The following GATAD2B variants were observed in gnomAD, a reference collection of about 807,000 sequenced individuals.
GATAD2B encodes the protein transcriptional repressor p66-beta.
Under a neutral mutation model 64.3 loss-of-function variants are expected in GATAD2B, and 8 were observed. The ratio of observed to expected loss-of-function variants is 0.12; its 90% confidence interval spans 0.07 to 0.22. GATAD2B has a LOEUF of 0.22. Among genes scored for constraint, GATAD2B ranks in the 10% least tolerant of loss-of-function variants. The probability of loss-of-function intolerance (pLI) is 1.00; values close to 1 mark genes in which losing one functional copy is unlikely to be tolerated. For missense variants in GATAD2B, 453 were observed against 752.0 expected (o/e 0.60, Z 4.65); for synonymous variants, 281 against 271.3 (o/e 1.04, Z -0.35).
In GATAD2B at chr1:153,870,473, T is replaced by C. The variant is rs1053655050; in HGVS notation, c.-1-42125A>G. Among the ~76,000 whole-genome samples the C allele has an allele frequency of 9.9e-5, 15 of 152,204 alleles. 1 individual carries two copies. The highest frequency in any genetic ancestry group is 7.9e-4 in the Admixed American group (12 of 15,278). On this transcript the variant is annotated intron_variant, in intron 1 of 10. Coordinates refer to ENST00000368655, the MANE Select transcript of GATAD2B (RefSeq NM_020699.4). ...CTATAGTCTCAGCTACTCAGGAGGC[T>C]GAGGCAGGAGAATGGCGTGAACCCA...
chr1:153,815,293 CA>C (rs71093285), intron 7 of GATAD2B, among the ~76,000 whole-genome samples: 72 of 111,840 alleles, frequency 6.4e-4, no homozygotes, highest in African/African-American at 1.3e-3. Context: ...AAAAAAAAAA[CA>C]AAAAAAAAAA....
intron 1 of GATAD2B, among the ~76,000 whole-genome samples, chr1:153,850,801 A>G (rs1002264618): frequency 6.6e-6 from 1 of 151,828 alleles, no homozygotes; most frequent in African/African-American, 2.4e-5. Flanking sequence ...TGCGCCTATA[A>G]TCTCAGCTAC....
chr1:153,826,670 T>C (rs147913762), intron 2 of GATAD2B, among the ~76,000 whole-genome samples: 10 of 152,024 alleles, frequency 6.6e-5, no homozygotes, highest in Middle Eastern at 3.4e-3. Flanking sequence ...CTGGGTGTGG[T>C]GGCTCACAAC....
At chr1:153,832,607 A>G (rs1475205532) in intron 1 of GATAD2B, among the ~76,000 whole-genome samples, 1 of 152,228 alleles carries the variant, frequency 6.6e-6, no homozygotes, top group Non-Finnish European at 1.5e-5. Context: ...GATAACCCAC[A>G]AAAGTGACAC....
chr1:153,909,249 T>C (rs1217315553), intron 1 of GATAD2B, among the ~76,000 whole-genome samples: 1 of 151,932 alleles, frequency 6.6e-6, no homozygotes, highest in Non-Finnish European at 1.5e-5. Flanking sequence ...AGTCTTGCTC[T>C]GTCGCCCAGG....
At chr1:153,810,800 T>A (rs1360177527) in intron 10 of GATAD2B, among the ~76,000 whole-genome samples, 1 of 151,536 alleles carries the variant, frequency 6.6e-6, no homozygotes, top group Non-Finnish European at 1.5e-5. Context: ...ATTTCGCTCG[T>A]TGCCCAGGCT....
intron 1 of GATAD2B, among the ~76,000 whole-genome samples, chr1:153,848,819 T>C (rs1343177243): frequency 6.6e-6 from 1 of 151,992 alleles, no homozygotes; most frequent in Non-Finnish European, 1.5e-5. Context: ...CCAGGTGTGG[T>C]GGTGGGTGCC....
chr1:153,828,275 C>T lies in GATAD2B; in HGVS notation c.73G>A (p.Asp25Asn). The T allele has an allele frequency of 6.2e-7, 1 of 1,613,994 alleles. No homozygotes were observed. Among genetic ancestry groups the T allele is most frequent in the Non-Finnish European group, 8.5e-7 (1 of 1,180,042 alleles). The change falls in exon 2 of 11, where the codon GAT becomes AAT. Residue 25 changes from aspartate to asparagine, a missense_variant. Physicochemically the swap from Asp to Asn is conservative, Grantham distance 23. Around this residue, in one of 2 missense-constraint regions of GATAD2B, gnomAD observed 293 missense variants for 417.2 expected, o/e 0.70. Transcript: ENST00000368655. ...KRSLDPADER[D>N]DVLAKRLKME... ...TTGAGTCGCTTTGCCAGGACATCATCTCGCTCATCTGCTGGGTCCAAGCTC... is the reference window on the plus strand; with the variant it reads ...TTGAGTCGCTTTGCCAGGACATCATTTCGCTCATCTGCTGGGTCCAAGCTC...
At chr1:153,902,002 C>T (rs563328187) in intron 1 of GATAD2B, among the ~76,000 whole-genome samples, 121 of 146,834 alleles carry the variant, frequency 8.2e-4, no homozygotes, top group Non-Finnish European at 1.6e-3. Context: ...AAAAAAAGGC[C>T]GCGCACAGTG....
intron 1 of GATAD2B, among the ~76,000 whole-genome samples, chr1:153,898,328 A>G (rs1465972073): frequency 6.9e-6 from 1 of 144,912 alleles, no homozygotes; most frequent in Admixed American, 6.7e-5. Flanking sequence ...AAAAAAGAAA[A>G]AAAGAAAAAA....
chr1:153,859,009 G>C (rs1260498603), intron 1 of GATAD2B, among the ~76,000 whole-genome samples: 3 of 152,116 alleles, frequency 2.0e-5, no homozygotes, highest in Non-Finnish European at 4.4e-5. Flanking sequence ...CTTGAGACAG[G>C]ATAGCATTTA....
Position 153,812,083 on chromosome 1 carries a change from G to A in GATAD2B, c.1469C>T (p.Ala490Val), listed in dbSNP as rs145131801. The A allele has an allele frequency of 6.2e-3, 9,933 of 1,613,156 alleles. 38 individuals are homozygous for A. The highest frequency in any genetic ancestry group is 7.7e-3 in the Non-Finnish European group (9,031 of 1,179,326). ...QQQAALSPTT[A>V]PAVSSVSKQE... ...TTTACTGACACTGGACACAGCTGGA[G>A]CCGTAGTGGGGGAGAGGGCTGCCTG... is the stretch of plus-strand genomic sequence containing the variant. The change falls in exon 9 of 11, where the codon GCT becomes GTT. Residue 490 changes from alanine to valine, a missense_variant. By Grantham distance (64) the Ala-to-Val change is moderately conservative. Around this residue, in one of 2 missense-constraint regions of GATAD2B, gnomAD observed 160 missense variants for 334.7 expected, o/e 0.48. Coordinates refer to ENST00000368655, the MANE Select transcript of GATAD2B (RefSeq NM_020699.4).
chr1:153,869,573 G>GTA (rs1184707541), intron 1 of GATAD2B, among the ~76,000 whole-genome samples: 3 of 151,994 alleles, frequency 2.0e-5, no homozygotes, highest in Admixed American at 2.0e-4. Context: ...TTAGCTTCTG[G>GTA]TATCCACACG....
chr1:153,878,298 G>A (rs1257433656), intron 1 of GATAD2B, among the ~76,000 whole-genome samples: 3 of 151,214 alleles, frequency 2.0e-5, no homozygotes, highest in South Asian at 2.1e-4. Flanking sequence ...CACATGCCAC[G>A]ACTAATTTTT....
At chr1:153,902,790 G>A (rs867047988) in intron 1 of GATAD2B, among the ~76,000 whole-genome samples, 26 of 152,244 alleles carry the variant, frequency 1.7e-4, no homozygotes, top group African/African-American at 5.8e-4. Flanking sequence ...TTAGTCTACT[G>A]ACTGCATCTT....
intron 1 of GATAD2B, among the ~76,000 whole-genome samples, chr1:153,919,212 C>T (rs1271672710): frequency 2.0e-5 from 3 of 152,128 alleles, no homozygotes; most frequent in African/African-American, 7.2e-5. Context: ...TGTACTATAA[C>T]CCAAAACTGT....
intron 1 of GATAD2B, among the ~76,000 whole-genome samples, chr1:153,879,634 A>G (rs979928470): frequency 6.6e-6 from 1 of 151,928 alleles, no homozygotes; most frequent in Non-Finnish European, 1.5e-5. Context: ...ATGGTGGCGC[A>G]GGCCTGTAGT....
rs1294549498 is a variant in GATAD2B at position 153,805,210 on chromosome 1, C to G, written c.*4967G>C. 1 of 152,174 alleles carries G rather than the reference C, an allele frequency of 6.6e-6. No individual in the cohort carries two copies. The highest frequency in any genetic ancestry group is 2.4e-5 in the African/African-American group (1 of 41,414). 9.4% of individuals were successfully genotyped at this position (152,174 alleles called of 1,614,324 possible). On this transcript the variant is annotated 3_prime_UTR_variant, in exon 11 of 11. Coordinates refer to ENST00000368655, the MANE Select transcript of GATAD2B (RefSeq NM_020699.4). Reference sequence around the variant, plus strand: ...CCCAGGCTGTGGGGAAATTGGGCCCCTGAAGGAGACAGACTGTGAAACAGC... The same window carrying G: ...CCCAGGCTGTGGGGAAATTGGGCCCGTGAAGGAGACAGACTGTGAAACAGC...
intron 1 of GATAD2B, among the ~76,000 whole-genome samples, chr1:153,879,608 C>T (rs1430999780): frequency 6.6e-6 from 1 of 151,638 alleles, no homozygotes; most frequent in Admixed American, 6.6e-5. Context: ...ACTAAAAATA[C>T]AAAAATTAGC....
Sources: allele counts gnomAD v4.1 joint callset (sites outside exome capture counted in the v4.1 genomes callset), GRCh38; gene constraint gnomAD v4.1.1; regional missense constraint gnomAD v4.1.1; transcripts MANE v1.5; gene names NCBI Gene and HGNC (gene_info 2026-07-23, HGNC 2026-07-21).